The following TAF2 variants were observed in gnomAD, a reference collection of about 807,000 sequenced individuals.
TAF2 encodes the protein transcription initiation factor TFIID subunit 2.
TAF2 carries 61 observed loss-of-function variants against 138.5 expected under a neutral mutation model. That is an observed-to-expected ratio of 0.44 (90% confidence interval 0.36 to 0.54). TAF2 has a LOEUF of 0.54. Ranked by LOEUF, TAF2 falls within the 20% of genes least tolerant of loss-of-function variation. The pLI is 0.00. For missense variants in TAF2, 1,090 were observed against 1,427.9 expected (o/e 0.76, Z 3.81); for synonymous variants, 475 against 469.9 (o/e 1.01, Z -0.14).
At chr8:119,732,242 T>C in intron 25 of TAF2, 56 bp from the exon 26 acceptor site, 1 of 1,543,730 alleles carries the variant, frequency 6.5e-7, no homozygotes, top group Non-Finnish European at 8.9e-7. Flanking sequence ...AAAGCCAGAC[T>C]AAAGAAAGAG....
intron 24 of TAF2, 89 bp from the exon 25 acceptor site, chr8:119,742,745 C>T (rs1049714314): frequency 6.6e-7 from 1 of 1,524,604 alleles, no homozygotes; most frequent in Admixed American, 2.0e-5. Flanking sequence ...ATAAGCTAGC[C>T]TTAAAGACAG....
chr8:119,737,411 C>G (rs1362980650), intron 25 of TAF2, among the ~76,000 whole-genome samples: 1 of 151,820 alleles, frequency 6.6e-6, no homozygotes, highest in Non-Finnish European at 1.5e-5. Context: ...TGACCATGAA[C>G]CAATTATTAT....
chr8:119,782,753 A>AT (rs1295524528), intron 16 of TAF2, among the ~76,000 whole-genome samples: 3 of 152,214 alleles, frequency 2.0e-5, no homozygotes, highest in African/African-American at 7.2e-5. Flanking sequence ...CTAGAATATT[A>AT]TAGTCTACCA....
In TAF2 at chr8:119,787,367, AAAAAAC is replaced by A. The variant is rs753396314; in HGVS notation, c.1793+965_1793+970del. Among the ~76,000 whole-genome samples the A allele has an allele frequency of 7.1e-3, 1,079 of 152,150 alleles. 13 individuals carry two copies. Among genetic ancestry groups the A allele is most frequent in the African/African-American group, 0.025 (1,022 of 41,508 alleles). On this transcript the variant is annotated intron_variant, in intron 14 of 25. Coordinates refer to ENST00000378164, the MANE Select transcript of TAF2 (RefSeq NM_003184.4). ...ACTTAAAGTATAATAATAATAAAAT[AAAAAAC>A]AAAAACAAAAACAAACAAACAAAAA...
At chr8:119,783,008 G>GACACACAC (rs35199230) in intron 16 of TAF2, among the ~76,000 whole-genome samples, 1 of 150,324 alleles carries the variant, frequency 6.7e-6, no homozygotes, top group African/African-American at 2.4e-5. Flanking sequence ...CACACCCACA[G>GACACACAC]ACACACACAC....
At chr8:119,831,125 C>A (rs980298605) in intron 2 of TAF2, among the ~76,000 whole-genome samples, 1 of 152,082 alleles carries the variant, frequency 6.6e-6, no homozygotes, top group South Asian at 2.1e-4. Context: ...AACAAACAAA[C>A]AAAAAACTTG....
chr8:119,742,889 C>A (rs1819695616), intron 24 of TAF2, among the ~76,000 whole-genome samples: 1 of 151,636 alleles, frequency 6.6e-6, no homozygotes. Context: ...CAAGACCAGC[C>A]TAGACCCCGT....
In TAF2 at chr8:119,783,363, T is replaced by C. The variant is rs374519540; in HGVS notation, c.2112+18A>G. On this transcript the variant is annotated intron_variant, in intron 16 of 25. Coordinates refer to ENST00000378164, the MANE Select transcript of TAF2 (RefSeq NM_003184.4). ...ATATATACAATAGTCATTTCCTTTA[T>C]GCTGTATATAATCTCACCTTTGCAA... 2.1e-5 allele frequency: 34 copies of C among 1,613,486 alleles called. No individual in the cohort carries two copies. Among genetic ancestry groups the C allele is most frequent in the South Asian group, 1.9e-4 (17 of 91,040 alleles).
chr8:119,754,939 T>C (rs1820594819), intron 22 of TAF2, among the ~76,000 whole-genome samples: 1 of 152,170 alleles, frequency 6.6e-6, no homozygotes, highest in African/African-American at 2.4e-5. Context: ...GAAATACAAA[T>C]AGCTCAAATA....
chr8:119,746,500 C>T (rs1034569905), intron 23 of TAF2, among the ~76,000 whole-genome samples: 6 of 151,318 alleles, frequency 4.0e-5, no homozygotes, highest in African/African-American at 1.2e-4. Flanking sequence ...ACCGGGAGCA[C>T]ATCATTCGTT....
intron 22 of TAF2, among the ~76,000 whole-genome samples, chr8:119,755,070 A>G (rs1283553484): frequency 6.6e-6 from 1 of 152,236 alleles, no homozygotes; most frequent in Non-Finnish European, 1.5e-5. Context: ...TATCACCTAC[A>G]TTTTACAAAT....
intron 25 of TAF2, among the ~76,000 whole-genome samples, chr8:119,732,444 C>T (rs1323255035): frequency 6.6e-6 from 1 of 152,088 alleles, no homozygotes; most frequent in Non-Finnish European, 1.5e-5. Context: ...ACCAAATCAT[C>T]TTTTAAAAAT....
intron 2 of TAF2, among the ~76,000 whole-genome samples, chr8:119,822,549 C>T (rs1451107915): frequency 6.6e-6 from 1 of 152,170 alleles, no homozygotes; most frequent in Non-Finnish European, 1.5e-5. Flanking sequence ...TAACACAAGT[C>T]TGCCATCACT....
intron 12 of TAF2, 66 bp downstream of exon 12, chr8:119,789,526 A>C: frequency 6.3e-7 from 1 of 1,588,526 alleles, no homozygotes; most frequent in South Asian, 1.1e-5. Context: ...CTCTTCTTCC[A>C]TCTTCCCCTT....
chr8:119,810,305 A>T (rs1362692348), intron 3 of TAF2, among the ~76,000 whole-genome samples: 1 of 152,158 alleles, frequency 6.6e-6, no homozygotes, highest in Non-Finnish European at 1.5e-5. Context: ...AAATTCATCC[A>T]AGTTGTTACA....
intron 22 of TAF2, among the ~76,000 whole-genome samples, chr8:119,749,811 CT>C (rs896839374): frequency 2.0e-5 from 3 of 152,166 alleles, no homozygotes; most frequent in Admixed American, 2.0e-4. Flanking sequence ...GCTACCTCCC[CT>C]TTCCCCATCA....
chr8:119,802,049 G>C, intron 5 of TAF2, 24 bp from the exon 6 acceptor site: 3 of 1,570,396 alleles, frequency 1.9e-6, no homozygotes, highest in Non-Finnish European at 8.7e-7. Flanking sequence ...TGACAGTATA[G>C]AAAATGTATT....
chr8:119,775,727 T>TA, intron 18 of TAF2, among the ~76,000 whole-genome samples: 1 of 151,452 alleles, frequency 6.6e-6, no homozygotes. Flanking sequence ...AATAAATAAA[T>TA]AAAAAATAAA....
intron 14 of TAF2, among the ~76,000 whole-genome samples, 154 bp from the exon 15 acceptor site, chr8:119,785,420 C>T (rs574480489): frequency 1.0e-3 from 154 of 152,196 alleles, no homozygotes; most frequent in African/African-American, 3.6e-3. Context: ...TTAAATAGAA[C>T]AAAGTCTCTT....
Sources: gnomAD v4.1 joint callset for allele counts (sites outside exome capture counted in the v4.1 genomes callset) on GRCh38, gnomAD v4.1.1 for gene constraint, MANE v1.5 for transcripts, NCBI Gene and HGNC (gene_info 2026-07-23, HGNC 2026-07-21) for gene names.